The following ATM variants were observed in gnomAD, a reference collection of about 807,000 sequenced individuals.
ATM encodes the protein serine-protein kinase ATM.
A neutral mutation model predicts 387.0 loss-of-function variants in ATM; 308 were observed. The ratio of observed to expected loss-of-function variants is 0.80; its 90% CI spans 0.73 to 0.87. ATM has a LOEUF of 0.87. Among genes scored for constraint, ATM ranks in the 40% least tolerant of loss-of-function variants. The pLI is 0.00. For synonymous variants in ATM, 1,156 were observed against 1,187.3 expected (o/e 0.97, Z 0.54); for missense variants, 3,312 against 3,560.9 (o/e 0.93, Z 1.78).
intron 56 of ATM, among the ~76,000 whole-genome samples, chr11:108,342,417 TAC>T (rs1247139569): frequency 6.6e-6 from 1 of 152,174 alleles, no homozygotes; most frequent in African/African-American, 2.4e-5. Context: ...TACAGAAATA[TAC>T]ATATAGTATC....
intron 56 of ATM, among the ~76,000 whole-genome samples, chr11:108,340,586 C>T (rs1467368119): frequency 6.6e-6 from 1 of 152,214 alleles, no homozygotes; most frequent in Non-Finnish European, 1.5e-5. Context: ...TCTGCAGTCA[C>T]ATCTCTGTAG....
At chr11:108,323,430 T>TG (rs1209681479) in intron 45 of ATM, among the ~76,000 whole-genome samples, 1 of 152,080 alleles carries the variant, frequency 6.6e-6, no homozygotes, top group Non-Finnish European at 1.5e-5. Flanking sequence ...GAAGAGGGGC[T>TG]GGTTAATGAG....
chr11:108,233,569 C>CAA (rs531411723), intron 4 of ATM, among the ~76,000 whole-genome samples: 113 of 50,774 alleles, frequency 2.2e-3, no homozygotes, highest in African/African-American at 6.4e-3. Flanking sequence ...ATCCTGTGTC[C>CAA]AAAAAAAAAA....
intron 48 of ATM, 128 bp from the exon 49 acceptor site, chr11:108,328,893 T>G: frequency 9.4e-7 from 1 of 1,060,740 alleles, no homozygotes; most frequent in Non-Finnish European, 1.4e-6. Flanking sequence ...TTTGCAATAG[T>G]TCATATAATT....
At chr11:108,363,919 ATATATT>A (rs1404135296) in intron 61 of ATM, among the ~76,000 whole-genome samples, 4 of 152,192 alleles carry the variant, frequency 2.6e-5, no homozygotes, top group African/African-American at 9.7e-5. Context: ...CATTAATAAA[ATATATT>A]AATATTTCCC....
intron 1 of ATM, 59 bp from the exon 2 acceptor site, chr11:108,227,536 C>T: frequency 9.4e-7 from 1 of 1,065,688 alleles, no homozygotes; most frequent in Non-Finnish European, 1.4e-6. Flanking sequence ...ACACCTCTTT[C>T]TCTCTATATA....
intron 37 of ATM, among the ~76,000 whole-genome samples, chr11:108,307,101 A>T (rs1194685805): frequency 1.3e-5 from 2 of 151,132 alleles, no homozygotes; most frequent in African/African-American, 2.4e-5. Context: ...TCCTGCTCTG[A>T]TGACTATTAC....
chr11:108,272,279 A>G (rs868012659), intron 20 of ATM, among the ~76,000 whole-genome samples: 5 of 152,244 alleles, frequency 3.3e-5, no homozygotes, highest in African/African-American at 1.2e-4. Flanking sequence ...TAGTTTAGCC[A>G]TTCTATGGTA....
Position 108,365,479 on chromosome 11 carries a change from C to G in ATM, c.9142C>G (p.Leu3048Val), listed in dbSNP as rs876660534. 1.9e-5 allele frequency: 30 copies of G among 1,614,072 alleles called. No homozygotes were observed. Among genetic ancestry groups the G allele is most frequent in the Non-Finnish European group, 2.4e-5 (28 of 1,180,030 alleles). The change falls in exon 63 of 63, where the codon CTT (leucine) becomes GTT (valine). Residue 3048 changes from leucine (L) to valine (V), a missense_variant. Around this residue, in one of 4 missense-constraint regions of ATM, gnomAD observed 95 missense variants for 100.3 expected, o/e 0.95. Coordinates refer to ENST00000675843, the MANE Select transcript of ATM (RefSeq NM_000051.4). ...CATAGACCCCAAAAATCTCAGCCGA[C>G]TTTTCCCAGGATGGAAAGCTTGGGT... ...QAIDPKNLSR[L>V]FPGWKAWV
At position 108,359,104 on chromosome 11, in the gene ATM, T is replaced by A. The variant is rs567198532; in HGVS notation, c.8850+4230T>A. Among the ~76,000 whole-genome samples, 1,063 of 149,034 alleles carry A rather than the reference T, an allele frequency of 7.1e-3. 10 individuals carry two copies. The highest frequency in any genetic ancestry group is 0.024 in the African/African-American group (968 of 40,492). On this transcript the variant is annotated intron_variant, in intron 61 of 62. Coordinates refer to ENST00000675843, the MANE Select transcript of ATM (RefSeq NM_000051.4). ...CAAAATAAAAGGATGGAGGAAGATC[T>A]ACCAAGCAAATGGAAAACAAAAAAA...
At position 108,365,106 on chromosome 11, in the gene ATM, G is replaced by T. The variant is rs1400589510; in HGVS notation, c.8875G>T (p.Asp2959Tyr). The T allele has an allele frequency of 6.2e-7, 1 of 1,613,952 alleles. No individual in the cohort carries two copies. The change falls in exon 62 of 63, where the codon GAC becomes TAC. Residue 2959 changes from aspartate to tyrosine, a missense_variant. Asp to Tyr is a radical substitution (Grantham distance 160). This residue lies in a region of ATM where 21 missense variants were observed against 51.6 expected (regional missense o/e 0.41). Transcript: ENST00000675843. ...VEVLLYDPLF[D>Y]WTMNPLKALY... ...GGTCCTTCTATATGATCCACTCTTT[G>T]ACTGGACCATGAATCCTTTGAAAGC... is the stretch of plus-strand genomic sequence containing the variant.
intron 57 of ATM, among the ~76,000 whole-genome samples, chr11:108,344,798 G>GT (rs1478755091): frequency 4.6e-5 from 7 of 152,180 alleles, no homozygotes; most frequent in African/African-American, 1.7e-4. Context: ...GAGCCCAGGA[G>GT]TTTAAGACCA....
At chr11:108,262,241 G>A (rs1214798828) in intron 16 of ATM, among the ~76,000 whole-genome samples, 1 of 152,162 alleles carries the variant, frequency 6.6e-6, no homozygotes, top group Admixed American at 6.5e-5. Context: ...GAGAAAGGTC[G>A]GGTTACCCTG....
chr11:108,275,198 C>G (rs1277929387), intron 22 of ATM, among the ~76,000 whole-genome samples: 1 of 151,512 alleles, frequency 6.6e-6, no homozygotes, highest in African/African-American at 2.4e-5. Flanking sequence ...TGCTTTTTTT[C>G]TTTCTATTTG....
intron 40 of ATM, among the ~76,000 whole-genome samples, chr11:108,313,017 T>C (rs1036735740): frequency 6.6e-6 from 1 of 152,202 alleles, no homozygotes; most frequent in African/African-American, 2.4e-5. Context: ...TCTATGCCGC[T>C]GCTTTCAGCC....
At position 108,302,929 on chromosome 11, in the gene ATM, G is replaced by A. The variant is rs2135928751; in HGVS notation, c.5396G>A (p.Ser1799Asn). 6.2e-7 allele frequency: 1 copy of A among 1,613,424 alleles called. No individual in the cohort carries two copies. The highest frequency in any genetic ancestry group is 8.5e-7 in the Non-Finnish European group (1 of 1,179,460). ...LDDINLWIPLSENHDIWIKTL... is the reference protein window; with the variant it reads ...LDDINLWIPLNENHDIWIKTL... The stretch of plus-strand genomic sequence containing the variant: ...GATATAAATCTGTGGATTCCTCTAA[G>A]TGAAAATCATGACATTTGGATAAAG... Residue 1799 changes from serine (S) to asparagine (N), a missense_variant, in exon 36 of 63, where the codon AGT becomes AAT. Coordinates refer to ENST00000675843, the MANE Select transcript of ATM (RefSeq NM_000051.4).
chr11:108,261,882 A>G (rs1242664308), intron 16 of ATM, among the ~76,000 whole-genome samples: 2 of 152,178 alleles, frequency 1.3e-5, no homozygotes, highest in African/African-American at 2.4e-5. Context: ...AAAGGGTATC[A>G]GCGATGGAAG....
chr11:108,259,558 G>C (rs2080734289), intron 16 of ATM, among the ~76,000 whole-genome samples: 1 of 152,124 alleles, frequency 6.6e-6, no homozygotes, highest in African/African-American at 2.4e-5. Context: ...AAATATACCT[G>C]ATTGCTTCTT....
chr11:108,315,630 G>T (rs1378271196), intron 40 of ATM, among the ~76,000 whole-genome samples, 193 bp from the exon 41 acceptor site: 1 of 152,004 alleles, frequency 6.6e-6, no homozygotes, highest in African/African-American at 2.4e-5. Context: ...CATATAAGTT[G>T]TCCTGCACAG....
Sources: gnomAD v4.1 joint callset for allele counts (sites outside exome capture counted in the v4.1 genomes callset) on GRCh38, gnomAD v4.1.1 for gene constraint, gnomAD v4.1.1 regional missense constraint, MANE v1.5 for transcripts, NCBI Gene and HGNC (gene_info 2026-07-23, HGNC 2026-07-21) for gene names.